The following RAVER2 variants were observed in gnomAD, a reference collection of about 807,000 sequenced individuals.
The protein encoded by RAVER2 is ribonucleoprotein, PTB binding 2.
RAVER2 carries 46 observed loss-of-function variants against 78.1 expected under a neutral mutation model. The observed-to-expected ratio is 0.59, with a 90% CI of 0.46 to 0.75. The LOEUF (loss-of-function observed/expected upper bound fraction) is 0.75, where lower values mean the gene tolerates loss of function less well. Ranked by LOEUF, RAVER2 falls within the 30% of genes least tolerant of loss-of-function variation. The probability of loss-of-function intolerance (pLI) is 0.00; values close to 1 mark genes in which losing one functional copy is unlikely to be tolerated. For missense variants in RAVER2, 793 were observed against 837.5 expected (o/e 0.95, Z 0.66); for synonymous variants, 311 against 313.3 (o/e 0.99, Z 0.08).
intron 9 of RAVER2, among the ~76,000 whole-genome samples, chr1:64,809,489 A>AAAATAAATAAATAAATAAATAAAT (rs10691863): frequency 1.2e-4 from 18 of 147,456 alleles, no homozygotes; most frequent in Admixed American, 2.0e-4. Context: ...CTCTAGTGCA[A>AAAATAAATAAATAAATAAATAAAT]AAATAAATAA....
chr1:64,761,415 A>G (rs992881349), intron 1 of RAVER2, among the ~76,000 whole-genome samples: 3 of 152,222 alleles, frequency 2.0e-5, no homozygotes, highest in Admixed American at 2.0e-4. Flanking sequence ...GGAGCTTGGG[A>G]GAGAAGTTTG....
chr1:64,824,016 A>G (rs1653947807), intron 11 of RAVER2, among the ~76,000 whole-genome samples: 1 of 152,176 alleles, frequency 6.6e-6, no homozygotes, highest in Admixed American at 6.5e-5. Flanking sequence ...CACATTGACC[A>G]GGCTGGTCTT....
intron 5 of RAVER2, among the ~76,000 whole-genome samples, chr1:64,791,044 A>G (rs941955569): frequency 6.6e-6 from 1 of 152,190 alleles, no homozygotes; most frequent in African/African-American, 2.4e-5. Flanking sequence ...GTTCAATAGA[A>G]TGACTCACAG....
At chr1:64,767,545 TTAACA>T (rs1414480647) in intron 1 of RAVER2, among the ~76,000 whole-genome samples, 1 of 152,060 alleles carries the variant, frequency 6.6e-6, no homozygotes, top group African/African-American at 2.4e-5. Flanking sequence ...GGTTACATAC[TTAACA>T]TAATAGCACC....
chr1:64,767,036 T>G (rs1652192626), intron 1 of RAVER2, among the ~76,000 whole-genome samples: 1 of 152,162 alleles, frequency 6.6e-6, no homozygotes, highest in Non-Finnish European at 1.5e-5. Flanking sequence ...TGTATGTATT[T>G]TAAAAAATTT....
At chr1:64,796,485 T>G (rs1423283721) in intron 5 of RAVER2, among the ~76,000 whole-genome samples, 1 of 152,130 alleles carries the variant, frequency 6.6e-6, no homozygotes, top group Non-Finnish European at 1.5e-5. Context: ...TCTTCTTAAG[T>G]GAGCTTTGCT....
intron 2 of RAVER2, among the ~76,000 whole-genome samples, chr1:64,770,993 A>AC (rs1393507538): frequency 2.0e-5 from 3 of 152,034 alleles, no homozygotes; most frequent in Non-Finnish European, 4.4e-5. Context: ...AGTTAAAAAA[A>AC]AATTAAAGAA....
At chr1:64,805,510 T>C (rs2765872) in intron 8 of RAVER2, among the ~76,000 whole-genome samples, 1,730 of 152,326 alleles carry the variant, frequency 0.011, 39 homozygotes, top group African/African-American at 0.039. Context: ...TATTTATTTG[T>C]ATTATTTAAA....
chr1:64,830,592 A>G (rs550326219), intron 11 of RAVER2, among the ~76,000 whole-genome samples: 3 of 152,284 alleles, frequency 2.0e-5, no homozygotes, highest in African/African-American at 7.2e-5. Context: ...CTTTTCCCAA[A>G]AAGTTGGGGT....
chr1:64,822,613 C>T (rs1653915529), intron 11 of RAVER2, among the ~76,000 whole-genome samples: 1 of 152,162 alleles, frequency 6.6e-6, no homozygotes, highest in South Asian at 2.1e-4. Context: ...GGTGCAGCTG[C>T]TTTGGAAGAG....
At chr1:64,815,007 A>G in intron 11 of RAVER2, 167 bp downstream of exon 11, 1 of 535,686 alleles carries the variant, frequency 1.9e-6, no homozygotes, top group Non-Finnish European at 2.8e-6. Flanking sequence ...TGTGTTCAAG[A>G]CATTATTTAG....
exon 7 of RAVER2, chr1:64,804,775 T>C (rs1411988041): frequency 6.5e-7 from 1 of 1,546,738 alleles, no homozygotes. Flanking sequence ...TCCTTCAGAA[T>C]CTTTCTCATA....
In RAVER2 at chr1:64,804,943, GGT is replaced by G. The variant is rs779489709; in HGVS notation, c.1297-47_1297-46del. 3 of 1,572,434 alleles carry G rather than the reference GGT, an allele frequency of 1.9e-6. No individual in the cohort carries two copies. The South Asian group carries it at 3.4e-5, about 18-fold the overall frequency. Reference sequence around the variant, plus strand: ...ATTTTCACGTGTGTAGCTTTTTTTAGGTTATATCTTATGGCCATGGGTCTTAC... The same window carrying G: ...ATTTTCACGTGTGTAGCTTTTTTTAGTATATCTTATGGCCATGGGTCTTAC... On this transcript the variant is annotated intron_variant, in intron 7 of 11. Coordinates refer to ENST00000294428, the Ensembl canonical transcript of RAVER2.
intron 5 of RAVER2, among the ~76,000 whole-genome samples, chr1:64,789,740 A>G (rs189394784): frequency 1.3e-4 from 20 of 152,316 alleles, no homozygotes; most frequent in Admixed American, 1.3e-4. Flanking sequence ...ATTTTTTACT[A>G]TTAATAAATG....
intron 1 of RAVER2, among the ~76,000 whole-genome samples, chr1:64,764,922 A>G (rs1016775264): frequency 6.6e-6 from 1 of 152,250 alleles, no homozygotes; most frequent in Non-Finnish European, 1.5e-5. Context: ...AACCACATGT[A>G]CAAAATACCT....
In RAVER2 at chr1:64,789,433, C is replaced by T. The variant is rs753595142; in HGVS notation, c.1024C>T (p.Gln342Ter). The T allele has an allele frequency of 6.2e-7, 1 of 1,609,798 alleles. No homozygotes were observed. Among genetic ancestry groups the T allele is most frequent in the South Asian group, 1.1e-5 (1 of 90,504 alleles). ...CTTACTTCCAGAGCCAAATCCAGTA[C>T]AAATTATGAAAAGTTTAAACAACCC... is the stretch of plus-strand genomic sequence containing the variant. Residue 342 changes from glutamine to a stop codon, truncating the protein, a stop_gained, in exon 5 of 12, where the codon CAA becomes TAA. Transcript: ENST00000294428. LOFTEE classifies it high-confidence loss of function.
rs374116511 is a variant in RAVER2 at position 64,790,469 on chromosome 1, G to A, written c.1105+955G>A. On this transcript the variant is annotated intron_variant, in intron 5 of 11. Transcript: ENST00000294428. ...TTTTCCTTAATAATGGCCCCAAAGC[G>A]CAAGAGTAGTGATGCTGGCAGTTTG... Among the ~76,000 whole-genome samples the A allele has an allele frequency of 3.0e-4, 46 of 152,244 alleles. No individual in the cohort carries two copies. The South Asian group carries it at 6.2e-3, about 21-fold the overall frequency.
chr1:64,801,598 G>A (rs1207937838), intron 5 of RAVER2, among the ~76,000 whole-genome samples: 6 of 149,526 alleles, frequency 4.0e-5, no homozygotes, highest in East Asian at 2.0e-4. Flanking sequence ...GGCCGGGCGC[G>A]GTGGCTCACG....
chr1:64,780,613 T>G (rs1440707555), intron 3 of RAVER2, among the ~76,000 whole-genome samples: 3 of 152,218 alleles, frequency 2.0e-5, no homozygotes, highest in Non-Finnish European at 4.4e-5. Flanking sequence ...CATTTATCAC[T>G]TTATAGCATG....
Sources: gnomAD v4.1 joint callset for allele counts (sites outside exome capture counted in the v4.1 genomes callset) on GRCh38, gnomAD v4.1.1 for gene constraint, MANE v1.5 for transcripts, NCBI Gene and HGNC (gene_info 2026-07-23, HGNC 2026-07-21) for gene names.